The following MAL variants were observed in gnomAD, a reference collection of about 807,000 sequenced individuals.
The protein encoded by MAL is myelin and lymphocyte protein.
Under a neutral mutation model 16.7 loss-of-function variants are expected in MAL, and 5 were observed. The ratio of observed to expected loss-of-function variants is 0.30; its 90% CI spans 0.16 to 0.63. The LOEUF (loss-of-function observed/expected upper bound fraction) is 0.63, where lower values mean the gene tolerates loss of function less well. Ranked by LOEUF, MAL falls within the 30% of genes least tolerant of loss-of-function variation. The probability of loss-of-function intolerance (pLI) is 0.82; values close to 1 mark genes in which losing one functional copy is unlikely to be tolerated. For missense variants in MAL, 202 were observed against 195.8 expected, an observed-to-expected ratio of 1.03 and a Z score of -0.19; for synonymous variants, 96 against 85.5, an observed-to-expected ratio of 1.12 and a Z score of -0.67.
chr2:95,028,726 G>A (rs1464839593), intron 1 of MAL, among the ~76,000 whole-genome samples: 18 of 152,182 alleles, frequency 1.2e-4, no homozygotes, highest in Admixed American at 1.2e-3. Context: ...ACCATAGAAA[G>A]GAATGAAGTA....
intron 1 of MAL, among the ~76,000 whole-genome samples, chr2:95,039,332 G>C (rs1223924301): frequency 1.3e-4 from 19 of 150,412 alleles, no homozygotes; most frequent in African/African-American, 2.2e-4. Context: ...GAGTGACTGA[G>C]TGAGTGAGTG....
At chr2:95,037,720 C>CT (rs1674275638) in intron 1 of MAL, among the ~76,000 whole-genome samples, 1 of 93,854 alleles carries the variant, frequency 1.1e-5, no homozygotes, top group African/African-American at 4.2e-5. Context: ...GAGTGAGTGA[C>CT]TGAGTCAGTG....
intron 1 of MAL, among the ~76,000 whole-genome samples, chr2:95,039,144 GTGAC>G (rs1674362778): frequency 2.0e-5 from 3 of 150,714 alleles, no homozygotes; most frequent in Non-Finnish European, 3.0e-5. Context: ...GAGTGAGTGA[GTGAC>G]TGAGTGACTG....
At chr2:95,042,293 C>A (rs1001243700) in intron 1 of MAL, among the ~76,000 whole-genome samples, 2 of 152,212 alleles carry the variant, frequency 1.3e-5, no homozygotes, top group Non-Finnish European at 2.9e-5. Context: ...CAGAGCATCG[C>A]CCATGGCCTT....
intron 1 of MAL, among the ~76,000 whole-genome samples, chr2:95,027,347 C>T (rs1247287026): frequency 1.3e-5 from 2 of 152,200 alleles, no homozygotes; most frequent in Non-Finnish European, 2.9e-5. Context: ...GCTTGCTCTT[C>T]CAGCGTGGCT....
In MAL at chr2:95,053,585, C is replaced by CAA; in HGVS notation, c.*139_*140dup. 13 of 564,458 alleles carry CAA rather than the reference C, an allele frequency of 2.3e-5. No homozygotes were observed. Among genetic ancestry groups the CAA allele is most frequent in the Non-Finnish European group, 3.6e-5 (12 of 332,536 alleles). 35.0% of individuals were successfully genotyped at this position (564,458 alleles called of 1,614,324 possible). The stretch of plus-strand genomic sequence containing the variant: ...AGAAAACAACCACCCCCCCACTGCC[C>CAA]AAAAAAAAAAGCCCTGCCCTGTTGC... On this transcript the variant is annotated 3_prime_UTR_variant, in exon 4 of 4. Coordinates refer to ENST00000309988, the MANE Select transcript of MAL (RefSeq NM_002371.4).
chr2:95,051,858 C>T (rs1211247321), intron 3 of MAL: 1 of 152,214 alleles, frequency 6.6e-6, no homozygotes, highest in African/African-American at 2.4e-5. Context: ...CTGCATCCGT[C>T]TGTGAGAGAG....
chr2:95,049,165 A>G (rs1674656797), intron 2 of MAL, among the ~76,000 whole-genome samples: 1 of 151,788 alleles, frequency 6.6e-6, no homozygotes. Flanking sequence ...GCAATGAAAC[A>G]AAACAAAACA....
chr2:95,047,871 A>T, intron 1 of MAL, 88 bp from the exon 2 acceptor site: 1 of 1,328,306 alleles, frequency 7.5e-7, no homozygotes, highest in Non-Finnish European at 1.0e-6. Context: ...TTTGCACTCC[A>T]GTCACCCCAT....
intron 3 of MAL, chr2:95,051,576 T>A (rs531308363): frequency 3.3e-4 from 50 of 152,388 alleles, no homozygotes; most frequent in Admixed American, 3.3e-3. Flanking sequence ...CTCACCCAAG[T>A]GGCTGGGTGT....
intron 3 of MAL, 69 bp downstream of exon 3, chr2:95,049,775 C>A: frequency 6.3e-7 from 1 of 1,591,286 alleles, no homozygotes; most frequent in Non-Finnish European, 8.6e-7. Flanking sequence ...TGTGTGGAGG[C>A]TGCCTAGGCC....
chr2:95,036,176 C>T (rs1674199857), intron 1 of MAL, among the ~76,000 whole-genome samples: 1 of 152,144 alleles, frequency 6.6e-6, no homozygotes, highest in African/African-American at 2.4e-5. Flanking sequence ...GTAGGTAAAC[C>T]AAGTCAGGTC....
At chr2:95,052,450 C>T (rs79641586) in intron 3 of MAL, among the ~76,000 whole-genome samples, 4,666 of 152,338 alleles carry the variant, frequency 0.031, 118 homozygotes, top group Middle Eastern at 0.085. Flanking sequence ...ATTCAGCTTA[C>T]TCACCGCCTC....
At chr2:95,036,777 CTGAG>C (rs1182954900) in intron 1 of MAL, among the ~76,000 whole-genome samples, 7 of 122,994 alleles carry the variant, frequency 5.7e-5, no homozygotes, top group Non-Finnish European at 1.0e-4. Context: ...GAGTGAGTGA[CTGAG>C]TGAGTGACTG....
At chr2:95,049,953 G>A (rs1361542453) in intron 3 of MAL, among the ~76,000 whole-genome samples, 1 of 152,214 alleles carries the variant, frequency 6.6e-6, no homozygotes, top group Non-Finnish European at 1.5e-5. Flanking sequence ...GCAGAGGGCA[G>A]ATGTGTGAGG....
intron 1 of MAL, among the ~76,000 whole-genome samples, chr2:95,027,309 G>A (rs545073815): frequency 6.6e-6 from 1 of 152,290 alleles, no homozygotes; most frequent in East Asian, 1.9e-4. Flanking sequence ...AGGGGCGTGG[G>A]AAACCTTGGA....
At chr2:95,043,740 G>T (rs545437241) in intron 1 of MAL, among the ~76,000 whole-genome samples, 2 of 152,272 alleles carry the variant, frequency 1.3e-5, no homozygotes, top group African/African-American at 4.8e-5. Context: ...TCTCAGGATT[G>T]CTCTTCACCC....
At chr2:95,027,878 C>G (rs1025293573) in intron 1 of MAL, among the ~76,000 whole-genome samples, 2 of 151,944 alleles carry the variant, frequency 1.3e-5, no homozygotes, top group African/African-American at 4.8e-5. Context: ...TATTACAACT[C>G]GACAACAAAA....
intron 1 of MAL, among the ~76,000 whole-genome samples, chr2:95,027,157 C>G (rs906744164): frequency 2.6e-5 from 4 of 152,114 alleles, no homozygotes; most frequent in Admixed American, 1.3e-4. Flanking sequence ...GAGCCAGCCC[C>G]CCGCTGGCCT....
Sources: gnomAD v4.1 joint callset for allele counts (sites outside exome capture counted in the v4.1 genomes callset) on GRCh38, gnomAD v4.1.1 for gene constraint, MANE v1.5 for transcripts, NCBI Gene and HGNC (gene_info 2026-07-23, HGNC 2026-07-21) for gene names.